CNTNAP5: variants seen among roughly 807,000 people sequenced by gnomAD.
The protein encoded by CNTNAP5 is contactin-associated protein-like 5.
A neutral mutation model predicts 150.2 loss-of-function variants in CNTNAP5; 72 were observed. That is an observed-to-expected ratio of 0.48 (90% CI 0.40 to 0.58). The LOEUF is 0.58. Among genes scored for constraint, CNTNAP5 ranks in the 20% least tolerant of loss-of-function variants. The probability of loss-of-function intolerance (pLI) is 0.00; values close to 1 mark genes in which losing one functional copy is unlikely to be tolerated. For missense variants in CNTNAP5, 1,636 were observed against 1,626.2 expected, an observed-to-expected ratio of 1.01 and a Z score of -0.10; for synonymous variants, 672 against 619.8, an observed-to-expected ratio of 1.08 and a Z score of -1.25.
chr2:124,091,769 C>G (rs1682819085), intron 1 of CNTNAP5, among the ~76,000 whole-genome samples: 2 of 152,152 alleles, frequency 1.3e-5, no homozygotes, highest in African/African-American at 4.8e-5. Flanking sequence ...GGTCCTCAAT[C>G]CATGAAATCA....
chr2:124,677,638 CAGAGTGCTGATTGGTGCGTTTTT>C (rs1678973614), intron 13 of CNTNAP5, among the ~76,000 whole-genome samples: 1 of 149,928 alleles, frequency 6.7e-6, no homozygotes, highest in Non-Finnish European at 1.5e-5. Flanking sequence ...CAGCTAGACA[CAGAGTGCTGATTGGTGCGTTTTT>C]AGAGTGCTGA....
At chr2:124,613,014 T>A (rs973165093) in intron 12 of CNTNAP5, among the ~76,000 whole-genome samples, 1 of 152,142 alleles carries the variant, frequency 6.6e-6, no homozygotes, top group Non-Finnish European at 1.5e-5. Flanking sequence ...ATTGTGCCAC[T>A]GCACTCCAGC....
chr2:124,384,775 G>T (rs938484134), intron 3 of CNTNAP5, among the ~76,000 whole-genome samples: 2 of 152,180 alleles, frequency 1.3e-5, no homozygotes, highest in Non-Finnish European at 2.9e-5. Flanking sequence ...TTCTTCCTCT[G>T]TTATCTGATT....
chr2:124,194,359 A>C (rs1171864812), intron 1 of CNTNAP5, among the ~76,000 whole-genome samples: 1 of 123,462 alleles, frequency 8.1e-6, no homozygotes, highest in Non-Finnish European at 1.7e-5. Flanking sequence ...ACAGGTATAA[A>C]TTAGGTCATA....
intron 19 of CNTNAP5, 128 bp from the exon 20 acceptor site, chr2:124,865,178 T>A (rs568077803): frequency 1.3e-6 from 1 of 746,288 alleles, no homozygotes; most frequent in East Asian, 2.8e-5. Flanking sequence ...GTGATATATT[T>A]TTAAAAATTG....
chr2:124,822,520 C>T (rs1682512159), intron 19 of CNTNAP5, among the ~76,000 whole-genome samples: 1 of 152,044 alleles, frequency 6.6e-6, no homozygotes, highest in Admixed American at 6.6e-5. Flanking sequence ...ATTACCAGTC[C>T]CCTTCCAACG....
In CNTNAP5 at chr2:124,914,417, G is replaced by A; in HGVS notation, c.*129G>A. ...GCCATGTCTTTTCTGGAACATACTT[G>A]CATCCACCACAGCATCAATTCCCTT... On this transcript the variant is annotated 3_prime_UTR_variant, in exon 24 of 24. Transcript: ENST00000682447. 1.4e-6 allele frequency: 1 copy of A among 701,038 alleles called. No homozygotes were observed. The highest frequency in any genetic ancestry group is 2.4e-6 in the Non-Finnish European group (1 of 413,288). 43.4% of individuals were successfully genotyped at this position (701,038 alleles called of 1,614,324 possible).
intron 1 of CNTNAP5, among the ~76,000 whole-genome samples, chr2:124,217,364 A>G (rs1477586771): frequency 6.6e-6 from 1 of 152,170 alleles, no homozygotes; most frequent in Non-Finnish European, 1.5e-5. Flanking sequence ...TTGTTCAGAC[A>G]CACTGTTAGA....
chr2:124,684,770 A>G (rs1323263088), intron 13 of CNTNAP5, among the ~76,000 whole-genome samples: 3 of 152,210 alleles, frequency 2.0e-5, no homozygotes, highest in East Asian at 1.9e-4. Context: ...AGATCTACAT[A>G]TAGCATGCCA....
At chr2:124,360,920 C>A (rs13019388) in intron 3 of CNTNAP5, among the ~76,000 whole-genome samples, 9 of 145,910 alleles carry the variant, frequency 6.2e-5, no homozygotes, top group East Asian at 2.0e-4. Context: ...ACTTGGTTCC[C>A]TTCTCCCCAT....
At chr2:124,832,226 G>C (rs1682730898) in intron 19 of CNTNAP5, among the ~76,000 whole-genome samples, 1 of 151,966 alleles carries the variant, frequency 6.6e-6, no homozygotes, top group African/African-American at 2.4e-5. Context: ...TTTTAAACAA[G>C]CTTATTTATT....
In CNTNAP5 at chr2:124,917,842, C is replaced by T. The variant is rs1052193449; in HGVS notation, c.*3554C>T. Among the ~76,000 whole-genome samples, 2 of 151,986 alleles carry T rather than the reference C, an allele frequency of 1.3e-5. No homozygotes were observed. Among genetic ancestry groups the T allele is most frequent in the African/African-American group, 4.8e-5 (2 of 41,422 alleles). ...TGCAACAGGGCCACACATAAAGTGT[C>T]CTAGAATGCAGCACAAGGTCCCGCA... On this transcript the variant is annotated 3_prime_UTR_variant, in exon 24 of 24. Coordinates refer to ENST00000682447, the MANE Select transcript of CNTNAP5 (RefSeq NM_001367498.1).
At position 124,123,345 on chromosome 2, in the gene CNTNAP5, G is replaced by A. The variant is rs568386701; in HGVS notation, c.82+97613G>A. 6.6e-5 allele frequency among the ~76,000 whole-genome samples: 10 copies of A among 152,260 alleles called. No homozygotes were observed. In the East Asian group the frequency reaches 1.6e-3, roughly 24 times the overall value. On this transcript the variant is annotated intron_variant, in intron 1 of 23. Transcript: ENST00000682447. ...GATCGAACTGCAAAAAGGTGGCAGC[G>A]AGGCTGGGGGAGGGGCGTCCACCAT... is the stretch of plus-strand genomic sequence containing the variant.
At chr2:124,553,386 C>T (rs1695675301) in intron 10 of CNTNAP5, among the ~76,000 whole-genome samples, 1 of 151,994 alleles carries the variant, frequency 6.6e-6, no homozygotes, top group African/African-American at 2.4e-5. Context: ...TGCCTGTAAT[C>T]CCAGCTACTT....
intron 3 of CNTNAP5, among the ~76,000 whole-genome samples, chr2:124,406,419 GTTTTGTTCGCATATA>G (rs2104763742): frequency 6.6e-6 from 1 of 151,884 alleles, no homozygotes; most frequent in East Asian, 1.9e-4. Context: ...ATCCTTTTTG[GTTTTGTTCGCATATA>G]TTTTCCTTCT....
intron 1 of CNTNAP5, among the ~76,000 whole-genome samples, chr2:124,136,095 T>TC (rs564830740): frequency 8.1e-4 from 124 of 152,330 alleles, no homozygotes; most frequent in African/African-American, 2.8e-3. Context: ...ATGTCCAATT[T>TC]CCAATTAAAT....
intron 9 of CNTNAP5, among the ~76,000 whole-genome samples, chr2:124,525,044 T>G (rs747347248): frequency 6.6e-5 from 10 of 152,328 alleles, no homozygotes; most frequent in Non-Finnish European, 1.3e-4. Flanking sequence ...TCTCTGATGT[T>G]AAGTGAGTCC....
chr2:124,232,013 T>C (rs1686635262), intron 2 of CNTNAP5, among the ~76,000 whole-genome samples: 1 of 152,146 alleles, frequency 6.6e-6, no homozygotes, highest in South Asian at 2.1e-4. Context: ...CTTTTTTTTT[T>C]CCTGATTGTA....
At chr2:124,786,346 A>AG (rs1480749695) in intron 17 of CNTNAP5, among the ~76,000 whole-genome samples, 18 of 105,284 alleles carry the variant, frequency 1.7e-4, no homozygotes, top group African/African-American at 6.0e-4. Flanking sequence ...AAAGAAAGAA[A>AG]GAAAGGAAGA....
Sources: allele counts gnomAD v4.1 joint callset (sites outside exome capture counted in the v4.1 genomes callset), GRCh38; gene constraint gnomAD v4.1.1; transcripts MANE v1.5; gene names NCBI Gene and HGNC (gene_info 2026-07-23, HGNC 2026-07-21).